The following CSMD1 variants were observed in gnomAD, a reference collection of about 807,000 sequenced individuals.
CSMD1 encodes the protein CUB and Sushi multiple domains 1.
In CSMD1, 213 loss-of-function variants were observed where a neutral mutation model predicts 417.5. That is an observed-to-expected ratio of 0.51 (90% CI 0.46 to 0.57). The LOEUF (loss-of-function observed/expected upper bound fraction) is 0.57, where lower values mean the gene tolerates loss of function less well. Ranked by LOEUF, CSMD1 falls within the 20% of genes least tolerant of loss-of-function variation. The probability of loss-of-function intolerance (pLI) is 0.00; values close to 1 mark genes in which losing one functional copy is unlikely to be tolerated. For missense variants in CSMD1, 6,923 were observed against 4,529.7 expected, an observed-to-expected ratio of 1.53 and a Z score of -15.17; for synonymous variants, 2,862 against 1,736.8, an observed-to-expected ratio of 1.65 and a Z score of -16.11.
At chr8:3,908,679 A>G (rs1322318476) in intron 5 of CSMD1, among the ~76,000 whole-genome samples, 1 of 150,072 alleles carries the variant, frequency 6.7e-6, no homozygotes, top group African/African-American at 2.4e-5. Flanking sequence ...CAATAACATG[A>G]AACAACTCTG....
chr8:4,799,598 C>CAAAAAAAAAAAAAAAAAAAAAAAAA (rs1168273531), intron 1 of CSMD1, among the ~76,000 whole-genome samples: 1 of 47,152 alleles, frequency 2.1e-5, no homozygotes. Flanking sequence ...GACTCCGTCT[C>CAAAAAAAAAAAAAAAAAAAAAAAAA]AAAAAAAAAA....
At chr8:4,485,448 A>T (rs558636379) in intron 2 of CSMD1, among the ~76,000 whole-genome samples, 154 of 152,318 alleles carry the variant, frequency 1.0e-3, no homozygotes, top group Non-Finnish European at 1.3e-3. Flanking sequence ...CTATGGATTC[A>T]CAAGTTCCTT....
At chr8:4,895,459 G>C (rs1159150452) in intron 1 of CSMD1, among the ~76,000 whole-genome samples, 1 of 152,044 alleles carries the variant, frequency 6.6e-6, no homozygotes, top group Non-Finnish European at 1.5e-5. Context: ...TTGTTATTCT[G>C]CTTTATCATT....
intron 1 of CSMD1, among the ~76,000 whole-genome samples, chr8:4,773,095 T>G (rs1796679728): frequency 6.6e-6 from 1 of 152,194 alleles, no homozygotes; most frequent in Non-Finnish European, 1.5e-5. Context: ...TTTTTTCAGA[T>G]TTGGGAATAT....
intron 2 of CSMD1, among the ~76,000 whole-genome samples, chr8:4,427,821 T>G (rs1797651422): frequency 6.6e-6 from 1 of 152,228 alleles, no homozygotes; most frequent in African/African-American, 2.4e-5. Context: ...TATGCATGTT[T>G]AACCTATTGA....
chr8:4,691,024 G>A (rs1386873546), intron 1 of CSMD1, among the ~76,000 whole-genome samples: 5 of 152,152 alleles, frequency 3.3e-5, no homozygotes, highest in Non-Finnish European at 7.3e-5. Context: ...ACCGTGACTG[G>A]CCAAAATTAT....
At chr8:4,587,018 AAGTTT>A (rs1343635369) in intron 2 of CSMD1, among the ~76,000 whole-genome samples, 1 of 152,226 alleles carries the variant, frequency 6.6e-6, no homozygotes, top group East Asian at 1.9e-4. Context: ...CATTAAAAAT[AAGTTT>A]AGTTAATTTT....
intron 11 of CSMD1, among the ~76,000 whole-genome samples, chr8:3,480,994 A>G (rs1450181228): frequency 6.6e-6 from 1 of 151,670 alleles, no homozygotes; most frequent in Non-Finnish European, 1.5e-5. Context: ...GTCTGAACTA[A>G]AAATACAAAA....
intron 2 of CSMD1, among the ~76,000 whole-genome samples, chr8:4,622,778 A>G (rs1250581000): frequency 2.0e-5 from 3 of 152,118 alleles, no homozygotes. Context: ...TGGGCATTTC[A>G]ATACAGCACC....
chr8:4,882,393 G>T (rs555014552), intron 1 of CSMD1, among the ~76,000 whole-genome samples: 1 of 151,714 alleles, frequency 6.6e-6, no homozygotes, highest in Non-Finnish European at 1.5e-5. Flanking sequence ...AGAGTATTGG[G>T]GAGCGAGTTT....
intron 1 of CSMD1, among the ~76,000 whole-genome samples, chr8:4,961,231 C>T (rs1029453970): frequency 2.0e-5 from 3 of 152,134 alleles, no homozygotes; most frequent in Admixed American, 2.0e-4. Flanking sequence ...TTTTCCCTAA[C>T]ACTTCTGCAG....
intron 10 of CSMD1, among the ~76,000 whole-genome samples, chr8:3,521,943 T>C (rs780309280): frequency 2.6e-5 from 4 of 152,230 alleles, no homozygotes; most frequent in Non-Finnish European, 5.9e-5. Flanking sequence ...TCATCACATA[T>C]TGGAAAGTAC....
intron 26 of CSMD1, among the ~76,000 whole-genome samples, chr8:3,270,900 C>A (rs1801795387): frequency 1.7e-5 from 2 of 119,752 alleles, no homozygotes; most frequent in Non-Finnish European, 3.5e-5. Flanking sequence ...GAGCAAGTCA[C>A]ATCTTTTTTT....
intron 21 of CSMD1, among the ~76,000 whole-genome samples, chr8:3,352,239 G>C (rs763654559): frequency 8.5e-5 from 13 of 152,082 alleles, no homozygotes; most frequent in Non-Finnish European, 1.6e-4. Context: ...TGACTGAAGT[G>C]GAGCATCACA....
chr8:4,848,591 G>A (rs79185074), intron 1 of CSMD1, among the ~76,000 whole-genome samples: 2 of 151,932 alleles, frequency 1.3e-5, no homozygotes, highest in Middle Eastern at 3.4e-3. Context: ...CAGGCCTGCG[G>A]TGCTGTGGCA....
intron 3 of CSMD1, among the ~76,000 whole-genome samples, chr8:4,411,981 T>G (rs1375609925): frequency 7.8e-6 from 1 of 127,784 alleles, no homozygotes; most frequent in Admixed American, 8.4e-5. Context: ...CACAGCAACA[T>G]AGCTAAGGGT....
intron 2 of CSMD1, among the ~76,000 whole-genome samples, chr8:4,609,195 T>C (rs1801039769): frequency 6.6e-6 from 1 of 152,160 alleles, no homozygotes; most frequent in Non-Finnish European, 1.5e-5. Context: ...AACTCTGGTG[T>C]TCCAGACCAG....
At chr8:3,431,911 C>G (rs985977468) in intron 12 of CSMD1, among the ~76,000 whole-genome samples, 3 of 152,206 alleles carry the variant, frequency 2.0e-5, no homozygotes, top group Non-Finnish European at 2.9e-5. Context: ...CTCTTACTTC[C>G]TGCCTTGACA....
At chr8:4,906,611 T>A (rs1371837125) in intron 1 of CSMD1, among the ~76,000 whole-genome samples, 1 of 151,102 alleles carries the variant, frequency 6.6e-6, no homozygotes, top group Non-Finnish European at 1.5e-5. Flanking sequence ...CAGGTTGAAG[T>A]GCAGTGGCAC....
Sources: gnomAD v4.1 joint callset for allele counts (sites outside exome capture counted in the v4.1 genomes callset) on GRCh38, gnomAD v4.1.1 for gene constraint, MANE v1.5 for transcripts, NCBI Gene and HGNC (gene_info 2026-07-23, HGNC 2026-07-21) for gene names.